AGRN: variants seen among roughly 807,000 people sequenced by gnomAD.
AGRN encodes agrin proteoglycan.
Under a neutral mutation model 211.0 loss-of-function variants are expected in AGRN, and 106 were observed. The observed-to-expected ratio is 0.50, with a 90% CI of 0.43 to 0.59. The LOEUF (loss-of-function observed/expected upper bound fraction) is 0.59. AGRN is among the 20% of genes least tolerant of loss of function. The probability of loss-of-function intolerance (pLI) is 0.00; values close to 1 mark genes in which losing one functional copy is unlikely to be tolerated. For missense variants in AGRN, 3,040 were observed against 2,982.6 expected, an observed-to-expected ratio of 1.02 and a Z score of -0.45; for synonymous variants, 1,525 against 1,332.5, an observed-to-expected ratio of 1.14 and a Z score of -3.15.
At chr1:1,023,513 T>C (rs1644455616) in intron 2 of AGRN, among the ~76,000 whole-genome samples, 1 of 152,118 alleles carries the variant, frequency 6.6e-6, no homozygotes, top group Non-Finnish European at 1.5e-5. Flanking sequence ...CTTGGTCCTC[T>C]TCTGGGCACT....
rs1408946470 is a variant in AGRN, at chr1:1,032,852, C to T, written c.464-2425C>T. 6.6e-5 allele frequency among the ~76,000 whole-genome samples: 10 copies of T among 152,024 alleles called. No homozygotes were observed. Among genetic ancestry groups the T allele is most frequent in the African/African-American group, 1.9e-4 (8 of 41,374 alleles). ...GTGCGGGGGCGCTGAGGTGCGGTCG[C>T]CGAGAGATTCTGGCCTCCAGGGTGG... On this transcript the variant is annotated intron_variant, in intron 2 of 35. Transcript: ENST00000379370. This position sits in a 1 kb window ranked among gnomAD's most constrained non-coding sequence, Gnocchi z 4.7.
chr1:1,050,078 G>A, intron 27 of AGRN, 41 bp downstream of exon 27: 5 of 1,458,822 alleles, frequency 3.4e-6, no homozygotes, highest in Non-Finnish European at 4.6e-6. Flanking sequence ...GGGGGGGGGG[G>A]TTGAACGTTT....
rs1470278093 is a variant in AGRN, at chr1:1,047,779, C to T, written c.3635C>T (p.Thr1212Ile). 6.8e-6 allele frequency: 11 copies of T among 1,608,258 alleles called. No individual in the cohort carries two copies. Among genetic ancestry groups the T allele is most frequent in the Middle Eastern group, 1.6e-4 (1 of 6,076 alleles). The change falls in exon 22 of 36, where the codon ACA (threonine) becomes ATA (isoleucine). Residue 1212 changes from threonine (T) to isoleucine (I), a missense_variant. Transcript: ENST00000379370. Reference sequence around the variant, plus strand: ...CTCAGAGCTCCCTCCTCCCCAGCCACAGCCTTCAGGGCACCCGACGTGGCC... The same window carrying T: ...CTCAGAGCTCCCTCCTCCCCAGCCATAGCCTTCAGGGCACCCGACGTGGCC... ...AIVDVHFDPT[T>I]AFRAPDVARA...
chr1:1,025,388 G>A (rs370844067), intron 2 of AGRN, among the ~76,000 whole-genome samples: 36 of 152,246 alleles, frequency 2.4e-4, no homozygotes, highest in Admixed American at 7.2e-4. Flanking sequence ...CCACGGCACC[G>A]GGGACAGCAT....
chr1:1,021,102 T>G (rs942000889), intron 1 of AGRN, among the ~76,000 whole-genome samples: 1 of 152,032 alleles, frequency 6.6e-6, no homozygotes, highest in Non-Finnish European at 1.5e-5. Context: ...CAAAACCATC[T>G]CCTGGGACCA....
rs1553177723 is a variant in AGRN, at chr1:1,049,658, CG to C, written c.4612del (p.Ala1538LeufsTer111). On this transcript the variant is annotated frameshift_variant, in exon 26 of 36. Coordinates refer to ENST00000379370, the MANE Select transcript of AGRN (RefSeq NM_198576.4). LOFTEE classifies it high-confidence loss of function. ...CAGCGCCTGGAGCTTGGCATTGGGC[CG>C]GGGGCTGCCACCCGAGGCTCTGGCG... ...NNQRLELGIGPGAATRGSGVG... is the reference protein window; with the variant it reads ...NNQRLELGIGXGAATRGSGVG... The C allele has an allele frequency of 3.2e-6, 5 of 1,580,972 alleles. No individual in the cohort carries two copies. The highest frequency in any genetic ancestry group is 3.4e-6 in the Non-Finnish European group (4 of 1,164,548).
rs375797607 is a variant in AGRN, at chr1:1,053,876, C to T, written c.5775C>T (p.Asp1925=). The change falls in exon 34 of 36, where the codon GAC becomes GAT. Residue 1925 remains aspartate (D), a synonymous_variant. Coordinates refer to ENST00000379370, the MANE Select transcript of AGRN (RefSeq NM_198576.4). The part of the protein sequence containing the change: ...RADYVALAIV[D]GHLQLSYNLG... The stretch of plus-strand genomic sequence containing the variant: ...ACTATGTGGCACTGGCCATTGTGGA[C>T]GGGCACCTGCAACTGAGCTACAACC... 5.7e-5 allele frequency: 91 copies of T among 1,609,256 alleles called. 1 individual carries two copies. The African/African-American group carries it at 6.1e-4, about 11-fold the overall frequency.
At chr1:1,047,941 C>T in intron 22 of AGRN, 46 bp downstream of exon 22, 1 of 1,593,772 alleles carries the variant, frequency 6.3e-7, no homozygotes, top group Non-Finnish European at 8.5e-7. Flanking sequence ...CCCTCCTCTG[C>T]CCATGCCCCT....
Position 1,050,295 on chromosome 1 carries a change from C to T in AGRN, c.4942C>T (p.Leu1648=), listed in dbSNP as rs1301171172. 3 of 1,612,988 alleles carry T rather than the reference C, an allele frequency of 1.9e-6. No individual in the cohort carries two copies. Among genetic ancestry groups the T allele is most frequent in the South Asian group, 1.1e-5 (1 of 91,078 alleles). The change falls in exon 28 of 36, where the codon CTG becomes TTG. Residue 1648 remains leucine, a synonymous_variant. Coordinates refer to ENST00000379370, the MANE Select transcript of AGRN (RefSeq NM_198576.4). The part of the protein sequence containing the change: ...ADFNGFSHLE[L]RGLHTFARDL... Reference sequence around the variant, plus strand: ...CTTCAACGGCTTCTCCCACCTGGAGCTGAGAGGCCTGCACACCTTTGCACG... The same window carrying T: ...CTTCAACGGCTTCTCCCACCTGGAGTTGAGAGGCCTGCACACCTTTGCACG...
In AGRN at chr1:1,041,424, C is replaced by T. The variant is rs558553667; in HGVS notation, c.952+27C>T. The T allele has an allele frequency of 1.9e-4, 288 of 1,547,724 alleles. 3 individuals are homozygous for T. The African/African-American group carries it at 3.0e-3, about 16-fold the overall frequency. ...TGAGCGCGGCGGCGGGCGCACGGCT[C>T]GAGCTCTGTGGGCGCGCGGCGACAG... On this transcript the variant is annotated intron_variant, in intron 5 of 35. Coordinates refer to ENST00000379370, the MANE Select transcript of AGRN (RefSeq NM_198576.4).
chr1:1,044,510 C>T lies in AGRN; in HGVS notation c.2254+71C>T, dbSNP rs116273657. 4,635 of 1,473,998 alleles carry T rather than the reference C, an allele frequency of 3.1e-3. 93 individuals carry two copies. In the African/African-American group the frequency reaches 0.054, roughly 17 times the overall value. 91.3% of individuals were successfully genotyped at this position (1,473,998 alleles called of 1,614,324 possible). A position where few individuals can be genotyped will look rare whatever the true frequency, so the allele number is the denominator to read the frequency against. ...CTGGGTTTCCGTGTCTGGATGTGGGCGTGCCCGTGTGCTGCGTTGGGCCCC... is the reference window on the plus strand; with the variant it reads ...CTGGGTTTCCGTGTCTGGATGTGGGTGTGCCCGTGTGCTGCGTTGGGCCCC... On this transcript the variant is annotated intron_variant, in intron 12 of 35. Transcript: ENST00000379370.
rs1645293795 is a variant in AGRN, at chr1:1,051,604, G to A, written c.5522G>A (p.Cys1841Tyr). Residue 1841 changes from cysteine to tyrosine, a missense_variant, in exon 32 of 36, where the codon TGC (cysteine) becomes TAC (tyrosine). By Grantham distance (194) the Cys-to-Tyr change is radical (BLOSUM62 -2). Around this residue, in one of 3 missense-constraint regions of AGRN, gnomAD observed 1,537 missense variants for 1,505.0 expected, o/e 1.02. Transcript: ENST00000379370. ...GTCCCGAGGGAGGCTGCCTATGTGT[G>A]CCTGTGTCCCGGGGGATTCTCAGGA... is the stretch of plus-strand genomic sequence containing the variant. ...SCVPREAAYV[C>Y]LCPGGFSGPH... 1 of 1,608,048 alleles carries A rather than the reference G, an allele frequency of 6.2e-7. No individual in the cohort carries two copies.
In AGRN at chr1:1,048,000, C is replaced by T. The variant is rs1297038334; in HGVS notation, c.3752-12C>T. 3 of 1,574,498 alleles carry T rather than the reference C, an allele frequency of 1.9e-6. No homozygotes were observed. Among genetic ancestry groups the T allele is most frequent in the Non-Finnish European group, 2.6e-6 (3 of 1,161,930 alleles). On this transcript the variant is annotated splice_polypyrimidine_tract_variant and intron_variant, in intron 22 of 35. Transcript: ENST00000379370. Reference sequence around the variant, plus strand: ...GCTCCCAGGAAACCCTAACAGCTCCCTGTGCCGGCAGACTGGTTTCCTGCG... The same window carrying T: ...GCTCCCAGGAAACCCTAACAGCTCCTTGTGCCGGCAGACTGGTTTCCTGCG...
At chr1:1,047,917 A>G in intron 22 of AGRN, 22 bp downstream of exon 22, 1 of 1,603,890 alleles carries the variant, frequency 6.2e-7, no homozygotes, top group Non-Finnish European at 8.5e-7. Context: ...GCCACGAGCC[A>G]CAGCTTACCT....
In AGRN at chr1:1,032,666, G is replaced by A. The variant is rs1334089679; in HGVS notation, c.464-2611G>A. 6.6e-6 allele frequency among the ~76,000 whole-genome samples: 1 copy of A among 152,220 alleles called. No homozygotes were observed. The highest frequency in any genetic ancestry group is 2.1e-4 in the South Asian group (1 of 4,838). On this transcript the variant is annotated intron_variant, in intron 2 of 35. Coordinates refer to ENST00000379370, the MANE Select transcript of AGRN (RefSeq NM_198576.4). The surrounding 1 kb of genome is among the most constrained non-coding windows in gnomAD (Gnocchi z 4.7). ...AGTGTGGCAGATGGCTTGGTCCGCG[G>A]TGCTGGAGGGGACTGGCGGAGCAGA... is the stretch of plus-strand genomic sequence containing the variant.
chr1:1,048,388 A>AG lies in AGRN; in HGVS notation c.4105+26dup. On this transcript the variant is annotated intron_variant, in intron 23 of 35. Coordinates refer to ENST00000379370, the MANE Select transcript of AGRN (RefSeq NM_198576.4). This position sits in a 1 kb window ranked among gnomAD's most constrained non-coding sequence, Gnocchi z 5.9. ...AGGGTAAGGATGTCCACTGCAGAGG[A>AG]GGGCGGGGAGGCAGCAGGGTGGGGG... The AG allele has an allele frequency of 9.4e-7, 1 of 1,068,464 alleles. No individual in the cohort carries two copies. The highest frequency in any genetic ancestry group is 1.3e-6 in the Non-Finnish European group (1 of 757,078). The allele number at this position is 1,068,464 out of a possible 1,614,324, so 66.2% of individuals were successfully genotyped here. A position where few individuals can be genotyped will look rare whatever the true frequency, so the allele number is the denominator to read the frequency against.
Position 1,051,480 on chromosome 1 carries a change from A to AC in AGRN, c.5402dup (p.Glu1802GlyfsTer69). The AC allele has an allele frequency of 1.3e-6, 2 of 1,567,822 alleles. No homozygotes were observed. The highest frequency in any genetic ancestry group is 1.7e-6 in the Non-Finnish European group (2 of 1,160,792). ...CTCCCTCGGAGGCCGCCAGCTGCTG[A>AC]CCCCGGAGCACGTGCTGCGGCAGGT... is the stretch of plus-strand genomic sequence containing the variant. On this transcript the variant is annotated frameshift_variant, in exon 32 of 36. Coordinates refer to ENST00000379370, the MANE Select transcript of AGRN (RefSeq NM_198576.4). LOFTEE classifies it high-confidence loss of function.
chr1:1,050,241 C>A lies in AGRN; in HGVS notation c.4888C>A (p.Gln1630Lys). Reference protein sequence around the residue: ...EGTFCQTASGQDGSGPFLADF... With the variant: ...EGTFCQTASGKDGSGPFLADF... Reference sequence around the variant, plus strand: ...GGTGACTCTCCCTACAGCCTCGGGGCAGGACGGCTCTGGGCCCTTCCTGGC... The same window carrying A: ...GGTGACTCTCCCTACAGCCTCGGGGAAGGACGGCTCTGGGCCCTTCCTGGC... The change falls in exon 28 of 36, where the codon CAG (glutamine) becomes AAG (lysine). Residue 1630 changes from glutamine to lysine, a missense_variant. By Grantham distance (53) the Gln-to-Lys change is moderately conservative. Transcript: ENST00000379370. 6.2e-7 allele frequency: 1 copy of A among 1,613,132 alleles called. No individual in the cohort carries two copies. Among genetic ancestry groups the A allele is most frequent in the Non-Finnish European group, 8.5e-7 (1 of 1,179,944 alleles).
In AGRN at chr1:1,044,170, C is replaced by T; in HGVS notation, c.2061C>T (p.Cys687=). ...ACGGTGACTGTGAGCAGGAGCTGTG[C>T]CGGCAGCGCGGTGGCATCTGGGACG... ...GEDGDCEQEL[C]RQRGGIWDED... Residue 687 remains cysteine, a synonymous_variant, in exon 11 of 36, where the codon TGC becomes TGT. Coordinates refer to ENST00000379370, the MANE Select transcript of AGRN (RefSeq NM_198576.4). 1 of 1,613,210 alleles carries T rather than the reference C, an allele frequency of 6.2e-7. No homozygotes were observed. Among genetic ancestry groups the T allele is most frequent in the Non-Finnish European group, 8.5e-7 (1 of 1,179,914 alleles).
Sources: allele counts gnomAD v4.1 joint callset (sites outside exome capture counted in the v4.1 genomes callset), GRCh38; gene constraint gnomAD v4.1.1; regional missense constraint gnomAD v4.1.1; non-coding constraint Gnocchi (gnomAD v3.1); transcripts MANE v1.5; gene names NCBI Gene and HGNC (gene_info 2026-07-23, HGNC 2026-07-21).